RIPOR3: variants seen among roughly 807,000 people sequenced by gnomAD.
RIPOR3 encodes family with sequence similarity 65 member C.
Under a neutral mutation model 114.3 loss-of-function variants are expected in RIPOR3, and 95 were observed. That is an observed-to-expected ratio of 0.83 (90% CI 0.70 to 0.99). The LOEUF (loss-of-function observed/expected upper bound fraction) is 0.99, where lower values mean the gene tolerates loss of function less well. Among genes scored for constraint, RIPOR3 ranks in the 50% least tolerant of loss-of-function variants. RIPOR3 has a pLI of 0.00. For missense variants in RIPOR3, 1,252 were observed against 1,266.9 expected, an observed-to-expected ratio of 0.99 and a Z score of 0.18; for synonymous variants, 575 against 543.8, an observed-to-expected ratio of 1.06 and a Z score of -0.80.
At chr20:50,654,820 A>G (rs1258184387) in intron 1 of RIPOR3, among the ~76,000 whole-genome samples, 1 of 152,114 alleles carries the variant, frequency 6.6e-6, no homozygotes, top group African/African-American at 2.4e-5. Flanking sequence ...ATCACCACTC[A>G]CTGCAGCCTC....
chr20:50,665,141 A>T (rs2086139497), intron 1 of RIPOR3, among the ~76,000 whole-genome samples: 1 of 150,826 alleles, frequency 6.6e-6, no homozygotes, highest in African/African-American at 2.4e-5. Context: ...CAAACAAAAA[A>T]ACCCCATGGT....
chr20:50,608,075 C>T (rs2123045435), intron 11 of RIPOR3, among the ~76,000 whole-genome samples: 1 of 152,210 alleles, frequency 6.6e-6, no homozygotes, highest in Non-Finnish European at 1.5e-5. Context: ...GAGGGCCTTC[C>T]TGGAGAGGTG....
At chr20:50,643,862 C>T (rs1161800122) in intron 1 of RIPOR3, among the ~76,000 whole-genome samples, 7 of 151,740 alleles carry the variant, frequency 4.6e-5, no homozygotes, top group Admixed American at 2.0e-4. Flanking sequence ...TACAGGCGCC[C>T]GCCACTGTGC....
chr20:50,630,710 C>T lies in RIPOR3; in HGVS notation c.122+28G>A, dbSNP rs770153516. 22 of 1,566,284 alleles carry T rather than the reference C, an allele frequency of 1.4e-5. No homozygotes were observed. The South Asian group carries it at 1.5e-4, about 11-fold the overall frequency. ...CCATTAACAAGCCCCACCCCTGCAC[C>T]CCGAAACAGGACACGGGGGGAACTT... is the stretch of plus-strand genomic sequence containing the variant. On this transcript the variant is annotated intron_variant, in intron 2 of 21. Transcript: ENST00000327979.
At chr20:50,688,348 T>C (rs2087096891) in intron 1 of RIPOR3, among the ~76,000 whole-genome samples, 2 of 151,872 alleles carry the variant, frequency 1.3e-5, no homozygotes, top group Admixed American at 1.3e-4. Context: ...AGAAATGGGG[T>C]CTTGTTATGT....
chr20:50,659,427 A>T (rs938450947), intron 1 of RIPOR3, among the ~76,000 whole-genome samples: 1 of 152,030 alleles, frequency 6.6e-6, no homozygotes, highest in Non-Finnish European at 1.5e-5. Context: ...GGGGTGGATC[A>T]CCTGAGGTCA....
intron 1 of RIPOR3, among the ~76,000 whole-genome samples, chr20:50,652,590 C>CAAAAAAAAAAAAAA (rs11470456): frequency 2.4e-4 from 21 of 87,272 alleles, no homozygotes; most frequent in Non-Finnish European, 3.8e-4. Context: ...GATTCTGTCT[C>CAAAAAAAAAAAAAA]AAAAAAAAAA....
chr20:50,617,725 A>G (rs2084232411), intron 3 of RIPOR3, among the ~76,000 whole-genome samples: 1 of 147,210 alleles, frequency 6.8e-6, no homozygotes, highest in Non-Finnish European at 1.5e-5. Context: ...TCCCGGGTTC[A>G]AGTGATTCTC....
At chr20:50,661,107 A>G (rs1315232550) in intron 1 of RIPOR3, among the ~76,000 whole-genome samples, 3 of 148,328 alleles carry the variant, frequency 2.0e-5, no homozygotes, top group Admixed American at 1.4e-4. Context: ...GCGTGGTGGC[A>G]CATGCCTGTA....
At position 50,639,573 on chromosome 20, in the gene RIPOR3, C is replaced by T. The variant is rs555194146; in HGVS notation, c.4-8717G>A. On this transcript the variant is annotated intron_variant, in intron 1 of 21. Transcript: ENST00000327979. ...TTGTACCTCCAATGACTCACCAAAACGCCTGCATAAAAATCCAGGTGCAGT... is the reference window on the plus strand; with the variant it reads ...TTGTACCTCCAATGACTCACCAAAATGCCTGCATAAAAATCCAGGTGCAGT... Among the ~76,000 whole-genome samples, 27 of 152,238 alleles carry T rather than the reference C, an allele frequency of 1.8e-4. No homozygotes were observed. In the South Asian group the frequency reaches 1.9e-3, roughly 11 times the overall value.
intron 1 of RIPOR3, among the ~76,000 whole-genome samples, chr20:50,647,509 G>C (rs1262494397): frequency 6.0e-5 from 8 of 133,128 alleles, no homozygotes; most frequent in Non-Finnish European, 9.4e-5. Context: ...TTGAGATGGA[G>C]TCTTGCTCTG....
Position 50,611,218 on chromosome 20 carries a change from A to G in RIPOR3, c.349-14T>C, listed in dbSNP as rs1309109766. The G allele has an allele frequency of 4.3e-6, 7 of 1,614,108 alleles. No homozygotes were observed. Among genetic ancestry groups the G allele is most frequent in the South Asian group, 1.1e-5 (1 of 91,086 alleles). On this transcript the variant is annotated splice_polypyrimidine_tract_variant and intron_variant, in intron 4 of 21. Transcript: ENST00000327979. ...ATAATAGAAAGCCTGTGAGGGAGGAAAGGAGGGCGGAAGAAGCTGTCAGAG... is the reference window on the plus strand; with the variant it reads ...ATAATAGAAAGCCTGTGAGGGAGGAGAGGAGGGCGGAAGAAGCTGTCAGAG...
rs559981530 is a variant in RIPOR3, at chr20:50,686,292, G to A, written c.3+4834C>T. The stretch of plus-strand genomic sequence containing the variant: ...AGGATGGTCTCGATCTCCTGACCTC[G>A]TGATCCACCCGCCTCGGCCTCCCAG... On this transcript the variant is annotated intron_variant, in intron 1 of 21. Transcript: ENST00000327979. Among the ~76,000 whole-genome samples the A allele has an allele frequency of 1.6e-4, 25 of 151,922 alleles. 1 individual carries two copies. Among genetic ancestry groups the A allele is most frequent in the African/African-American group, 4.8e-4 (20 of 41,490 alleles).
At chr20:50,682,635 T>C (rs574326172) in intron 1 of RIPOR3, among the ~76,000 whole-genome samples, 143 of 152,250 alleles carry the variant, frequency 9.4e-4, no homozygotes, top group African/African-American at 3.1e-3. Flanking sequence ...TGTGTCTGCA[T>C]GTATGTGCCA....
In RIPOR3 at chr20:50,610,630, C is replaced by A. The variant is rs184176325; in HGVS notation, c.426+223G>T. Among the ~76,000 whole-genome samples the A allele has an allele frequency of 4.6e-4, 70 of 152,174 alleles. 1 individual carries two copies. The East Asian group carries it at 0.014, about 29-fold the overall frequency. On this transcript the variant is annotated intron_variant, in intron 6 of 21. Transcript: ENST00000327979. ...AGCCCACACAGTCCTCAGGGAGTCC[C>A]ACCTCAGGGCTGAGCCCCCTGACTC...
At chr20:50,611,051 C>T (rs916331208) in intron 5 of RIPOR3, 130 bp downstream of exon 5, 3 of 1,546,300 alleles carry the variant, frequency 1.9e-6, no homozygotes, top group African/African-American at 1.4e-5. Context: ...AGAGACTCAG[C>T]CTTCCCATTC....
Position 50,670,378 on chromosome 20 carries a change from C to T in RIPOR3, c.3+20748G>A, listed in dbSNP as rs542193100. Among the ~76,000 whole-genome samples the T allele has an allele frequency of 1.8e-3, 250 of 137,918 alleles. 2 individuals carry two copies. The highest frequency in any genetic ancestry group is 6.2e-3 in the African/African-American group (239 of 38,642). The allele number at this position is 137,918 out of a possible 152,430, so 90.5% of individuals were successfully genotyped here. Reference sequence around the variant, plus strand: ...ACCCAGACACCCCCACCCCCACCCACCCACCCAGTGCCAGCTTAGAGAAAA... The same window carrying T: ...ACCCAGACACCCCCACCCCCACCCATCCACCCAGTGCCAGCTTAGAGAAAA... On this transcript the variant is annotated intron_variant, in intron 1 of 21. Transcript: ENST00000327979.
chr20:50,682,805 G>T (rs1436021926), intron 1 of RIPOR3, among the ~76,000 whole-genome samples: 1 of 150,364 alleles, frequency 6.7e-6, no homozygotes, highest in Non-Finnish European at 1.5e-5. Context: ...TTGGCTCACC[G>T]CAACCTCTGC....
At chr20:50,594,815 AG>A (rs903099512) in intron 16 of RIPOR3, 101 bp from the exon 17 acceptor site, 7 of 1,379,812 alleles carry the variant, frequency 5.1e-6, no homozygotes, top group Non-Finnish European at 4.9e-6. Flanking sequence ...GGTAGGGAGG[AG>A]GGGACGGTGT....
Sources: allele counts gnomAD v4.1 joint callset (sites outside exome capture counted in the v4.1 genomes callset), GRCh38; gene constraint gnomAD v4.1.1; transcripts MANE v1.5; gene names NCBI Gene and HGNC (gene_info 2026-07-23, HGNC 2026-07-21).